The following C11orf65 variants were observed in gnomAD, a reference collection of about 807,000 sequenced individuals.
The protein encoded by C11orf65 is chromosome 11 open reading frame 65, also known as protein MFI.
A neutral mutation model predicts 35.3 loss-of-function variants in C11orf65; 38 were observed. The ratio of observed to expected loss-of-function variants is 1.08; its 90% CI spans 0.83 to 1.41. The LOEUF is 1.41. C11orf65 is among the 40% of genes most tolerant of loss of function. The pLI is 0.00. For synonymous variants in C11orf65, 105 were observed against 114.4 expected (o/e 0.92, Z 0.53); for missense variants, 370 against 367.1 (o/e 1.01, Z -0.06).
At chr11:108,395,722 G>A (rs1000651669) in intron 6 of C11orf65, among the ~76,000 whole-genome samples, 4 of 148,144 alleles carry the variant, frequency 2.7e-5, no homozygotes, top group East Asian at 2.0e-4. Flanking sequence ...CCGGGTTCAC[G>A]CCAGTCTCCT....
intron 3 of C11orf65, among the ~76,000 whole-genome samples, chr11:108,418,176 C>G (rs2092767070): frequency 6.6e-6 from 1 of 152,086 alleles, no homozygotes; most frequent in African/African-American, 2.4e-5. Flanking sequence ...ATACATATCT[C>G]TCAGTAACTG....
chr11:108,448,555 T>G (rs1039438562), intron 2 of C11orf65, among the ~76,000 whole-genome samples: 15 of 152,160 alleles, frequency 9.9e-5, no homozygotes, highest in South Asian at 4.2e-4. Flanking sequence ...CTCAATAGAT[T>G]CAGAAAAGGC....
intron 2 of C11orf65, among the ~76,000 whole-genome samples, chr11:108,439,937 T>C (rs1033768180): frequency 2.0e-5 from 3 of 152,298 alleles, no homozygotes; most frequent in African/African-American, 7.2e-5. Flanking sequence ...GTTATACACC[T>C]AAAAACGGTT....
In C11orf65 at chr11:108,319,953, G is replaced by C. The variant is rs1057517302; in HGVS notation, c.641-10882C>G. 6.2e-7 allele frequency: 1 copy of C among 1,602,604 alleles called. No homozygotes were observed. On this transcript the variant is annotated intron_variant, in intron 6 of 6. Coordinates refer to the C11orf65 transcript ENST00000525729. ...ATTTTTTTCTTTGACTTATCTCACAGCAAAGAAGTAGAAGGAACCAGTTAC... is the reference window on the plus strand; with the variant it reads ...ATTTTTTTCTTTGACTTATCTCACACCAAAGAAGTAGAAGGAACCAGTTAC...
At chr11:108,445,984 C>A (rs930681697) in intron 2 of C11orf65, among the ~76,000 whole-genome samples, 7 of 152,166 alleles carry the variant, frequency 4.6e-5, no homozygotes, top group Non-Finnish European at 1.0e-4. Context: ...ATGCAGAAGC[C>A]TCAGGAGCCG....
intron 6 of C11orf65, among the ~76,000 whole-genome samples, chr11:108,311,014 C>G (rs2084109661): frequency 6.6e-6 from 1 of 152,210 alleles, no homozygotes; most frequent in Admixed American, 6.5e-5. Context: ...TTCGCCCAGG[C>G]TGTGGTGCAG....
At chr11:108,316,512 A>G (rs546300653) in intron 6 of C11orf65, among the ~76,000 whole-genome samples, 74 of 152,228 alleles carry the variant, frequency 4.9e-4, no homozygotes, top group African/African-American at 1.7e-3. Context: ...TGTTGTTTCT[A>G]TTACTGGCTA....
At chr11:108,407,455 G>A (rs1012977726) in intron 3 of C11orf65, among the ~76,000 whole-genome samples, 2 of 151,228 alleles carry the variant, frequency 1.3e-5, no homozygotes, top group Admixed American at 1.3e-4. Context: ...GAGACTACAG[G>A]TGTGCACCAC....
chr11:108,308,925 C>A lies in C11orf65; in HGVS notation c.*46G>T, dbSNP rs1414613099. ...TAATGTAGTGGAGAGCATTTGTTTT[C>A]TTGGTGTTGGGAGGCAGTTTTACCT... On this transcript the variant is annotated 3_prime_UTR_variant, in exon 7 of 7. Coordinates refer to the C11orf65 transcript ENST00000525729. The A allele has an allele frequency of 3.5e-6, 4 of 1,150,176 alleles. No individual in the cohort carries two copies. In the African/African-American group the frequency reaches 4.6e-5, roughly 13 times the overall value. 71.2% of individuals were successfully genotyped at this position (1,150,176 alleles called of 1,614,324 possible). A position where few individuals can be genotyped will look rare whatever the true frequency, so the allele number is the denominator to read the frequency against.
chr11:108,443,732 C>T (rs887935792), intron 2 of C11orf65, among the ~76,000 whole-genome samples: 2 of 152,040 alleles, frequency 1.3e-5, no homozygotes, highest in Non-Finnish European at 2.9e-5. Context: ...GGGTACATAA[C>T]AAAATGAAGG....
downstream of C11orf65, chr11:108,330,483 G>T: frequency 6.5e-7 from 1 of 1,527,608 alleles, no homozygotes; most frequent in Non-Finnish European, 9.1e-7. Flanking sequence ...TAAGCCCCTT[G>T]ATGTCAGGAA....
chr11:108,338,889 C>T (rs1233663516), intron 2 of C11orf65, among the ~76,000 whole-genome samples: 1 of 152,072 alleles, frequency 6.6e-6, no homozygotes, highest in Non-Finnish European at 1.5e-5. Flanking sequence ...TAGACTACAG[C>T]GAAGTAGTCT....
chr11:108,427,450 G>GT (rs1565681820), intron 3 of C11orf65, among the ~76,000 whole-genome samples: 4 of 151,308 alleles, frequency 2.6e-5, no homozygotes, highest in Non-Finnish European at 4.4e-5. Flanking sequence ...GGCCGGGCGC[G>GT]GGCTGACGCC....
chr11:108,358,119 A>G (rs2090248585), intron 2 of C11orf65, among the ~76,000 whole-genome samples: 1 of 151,510 alleles, frequency 6.6e-6, no homozygotes, highest in South Asian at 2.1e-4. Context: ...TGGAGCTGAA[A>G]ATCAAGGCTC....
intron 2 of C11orf65, among the ~76,000 whole-genome samples, chr11:108,359,681 T>C (rs976426809): frequency 2.6e-5 from 4 of 152,238 alleles, no homozygotes; most frequent in African/African-American, 9.6e-5. Flanking sequence ...CCAAACAACC[T>C]GCTCCTGAAT....
intron 2 of C11orf65, among the ~76,000 whole-genome samples, chr11:108,461,228 C>A (rs1037975922): frequency 3.9e-5 from 6 of 151,944 alleles, no homozygotes; most frequent in African/African-American, 1.4e-4. Flanking sequence ...ATGGTGAAAC[C>A]CCGTCTCTAC....
intron 2 of C11orf65, among the ~76,000 whole-genome samples, chr11:108,339,476 A>G (rs1346632870): frequency 6.6e-6 from 1 of 152,106 alleles, no homozygotes; most frequent in African/African-American, 2.4e-5. Flanking sequence ...CTAGGATGAT[A>G]TCAGCTGTGT....
intron 2 of C11orf65, among the ~76,000 whole-genome samples, chr11:108,347,655 C>T (rs1243366430): frequency 6.6e-6 from 1 of 152,056 alleles, no homozygotes. Context: ...GGAATCAGGG[C>T]TATTCCACCA....
At chr11:108,427,620 G>A (rs1290306592) in intron 3 of C11orf65, among the ~76,000 whole-genome samples, 1 of 144,666 alleles carries the variant, frequency 6.9e-6, no homozygotes, top group African/African-American at 2.5e-5. Context: ...TACACGGGAG[G>A]CTGAGGCAGG....
Sources: allele counts gnomAD v4.1 joint callset (sites outside exome capture counted in the v4.1 genomes callset), GRCh38; gene constraint gnomAD v4.1.1; transcripts MANE v1.5; gene names NCBI Gene and HGNC (gene_info 2026-07-23, HGNC 2026-07-21).